Variants in ANKRD30A observed in about 807,000 individuals in gnomAD.
The protein encoded by ANKRD30A is ankyrin repeat domain 30A.
ANKRD30A carries 170 observed loss-of-function variants against 166.3 expected under a neutral mutation model. That is an observed-to-expected ratio of 1.02 (90% CI 0.90 to 1.16). The LOEUF is 1.16. Among genes scored for constraint, ANKRD30A ranks in the 50% most tolerant of loss-of-function variants. The pLI, the probability that ANKRD30A is intolerant of heterozygous loss-of-function variation, is 0.00. For missense variants in ANKRD30A, 1,630 were observed against 1,518.0 expected (o/e 1.07, Z -1.23); for synonymous variants, 564 against 508.9 (o/e 1.11, Z -1.46).
At chr10:37,156,491 T>TGG (rs1838394836) in intron 13 of ANKRD30A, among the ~76,000 whole-genome samples, 3 of 152,242 alleles carry the variant, frequency 2.0e-5, no homozygotes, top group Admixed American at 6.5e-5. Flanking sequence ...TACATAGGAT[T>TGG]CTTAAGTGCC....
In ANKRD30A at chr10:37,165,159, C is replaced by A. The variant is rs1839213833; in HGVS notation, c.2064+4C>A. On this transcript the variant is annotated splice_donor_region_variant and intron_variant, in intron 18 of 35. Transcript: ENST00000361713. ...AGAAAATTCTTGGGATACTGAGGTACTGTGTGTTGTTGATTTTTTTAAATA... is the reference window on the plus strand; with the variant it reads ...AGAAAATTCTTGGGATACTGAGGTAATGTGTGTTGTTGATTTTTTTAAATA... 1 of 1,604,334 alleles carries A rather than the reference C, an allele frequency of 6.2e-7. No homozygotes were observed. The highest frequency in any genetic ancestry group is 8.5e-7 in the Non-Finnish European group (1 of 1,171,882).
chr10:37,202,600 A>T (rs1841714266), intron 31 of ANKRD30A, among the ~76,000 whole-genome samples: 1 of 152,234 alleles, frequency 6.6e-6, no homozygotes, highest in African/African-American at 2.4e-5. Context: ...GAGCAAACAC[A>T]TTCAAAAGCT....
At chr10:37,137,733 G>A (rs1836812958) in intron 6 of ANKRD30A, among the ~76,000 whole-genome samples, 3 of 152,184 alleles carry the variant, frequency 2.0e-5, no homozygotes, top group Admixed American at 6.5e-5. Context: ...TGGGAAGCTC[G>A]AACTGGGTGG....
chr10:37,130,060 G>T, intron 2 of ANKRD30A, 53 bp downstream of exon 2: 1 of 1,274,502 alleles, frequency 7.8e-7, no homozygotes, highest in Non-Finnish European at 1.0e-6. Context: ...TAAATACATA[G>T]AATAAAAATG....
chr10:37,258,847 C>T, the ANKRD30A span, among the ~76,000 whole-genome samples: 982 of 150,372 alleles, frequency 6.5e-3, 11 homozygotes, highest in African/African-American at 0.023. Context: ...CCTGTAGTCC[C>T]AGCTACTCGG....
the ANKRD30A span, among the ~76,000 whole-genome samples, chr10:37,262,924 C>CTG: frequency 7.8e-4 from 119 of 151,814 alleles, no homozygotes; most frequent in African/African-American, 1.3e-3. Flanking sequence ...TGTTCTATGT[C>CTG]TGTGTGTGTG....
At chr10:37,157,440 A>G (rs1838468956) in intron 13 of ANKRD30A, among the ~76,000 whole-genome samples, 1 of 152,214 alleles carries the variant, frequency 6.6e-6, no homozygotes, top group Admixed American at 6.5e-5. Flanking sequence ...ATCTTGGCTC[A>G]TTGCAACATC....
chr10:37,263,863 T>A, the ANKRD30A span, among the ~76,000 whole-genome samples: 1 of 152,130 alleles, frequency 6.6e-6, no homozygotes, highest in African/African-American at 2.4e-5. Flanking sequence ...TTAATTAGCC[T>A]GGGATGTTAG....
chr10:37,178,060 CAG>C (rs371563203), intron 24 of ANKRD30A, among the ~76,000 whole-genome samples: 36 of 151,266 alleles, frequency 2.4e-4, no homozygotes, highest in Middle Eastern at 3.4e-3. Flanking sequence ...ACAGAGCGTA[CAG>C]AGAGTACATG....
intron 25 of ANKRD30A, among the ~76,000 whole-genome samples, chr10:37,190,394 G>C (rs71489114): frequency 6.6e-6 from 1 of 151,736 alleles, no homozygotes; most frequent in East Asian, 1.9e-4. Flanking sequence ...TCAGGAGAAA[G>C]CATCATGGTG....
At chr10:37,136,544 T>C (rs989112557) in intron 5 of ANKRD30A, 63 bp from the exon 6 acceptor site, 2 of 737,478 alleles carry the variant, frequency 2.7e-6, no homozygotes, top group African/African-American at 3.7e-5. Flanking sequence ...ATAAATTTGG[T>C]AAATGTTTTT....
downstream of ANKRD30A, among the ~76,000 whole-genome samples, chr10:37,234,796 A>T (rs1411016196): frequency 1.3e-5 from 2 of 152,224 alleles, no homozygotes; most frequent in African/African-American, 4.8e-5. Flanking sequence ...AAATGTAGTT[A>T]TATAGATATG....
intron 7 of ANKRD30A, among the ~76,000 whole-genome samples, chr10:37,144,331 T>G (rs1211710): frequency 0.75 from 114,753 of 152,094 alleles, 44,516 homozygotes; most frequent in African/African-American, 0.94. Context: ...CTATAAATTT[T>G]TAATGTTTCT....
chr10:37,158,623 G>A (rs749150218), intron 15 of ANKRD30A, 37 bp downstream of exon 15: 1 of 1,604,100 alleles, frequency 6.2e-7, no homozygotes, highest in Non-Finnish European at 8.5e-7. Flanking sequence ...CTGGAAAGGA[G>A]AATATTAAAA....
At chr10:37,155,630 C>T (rs1330679834) in intron 13 of ANKRD30A, among the ~76,000 whole-genome samples, 2 of 152,116 alleles carry the variant, frequency 1.3e-5, no homozygotes, top group African/African-American at 2.4e-5. Context: ...ATGATTTGCT[C>T]CTGTGATTCC....
chr10:37,143,601 C>T (rs1837302568), intron 7 of ANKRD30A, among the ~76,000 whole-genome samples: 1 of 151,908 alleles, frequency 6.6e-6, no homozygotes, highest in Admixed American at 6.6e-5. Flanking sequence ...TTGCAGTGAG[C>T]TGAGATCGTA....
At chr10:37,131,533 T>C (rs1223341622) in intron 3 of ANKRD30A, among the ~76,000 whole-genome samples, 1 of 152,160 alleles carries the variant, frequency 6.6e-6, no homozygotes, top group Non-Finnish European at 1.5e-5. Context: ...GTTGCTTCCT[T>C]AGTGACCCAT....
chr10:37,166,126 T>C (rs1250162922), intron 18 of ANKRD30A, among the ~76,000 whole-genome samples: 8 of 152,160 alleles, frequency 5.3e-5, no homozygotes, highest in Admixed American at 5.2e-4. Flanking sequence ...ATACATTCTA[T>C]GACAGACTCT....
chr10:37,209,203 A>G (rs768837472), intron 31 of ANKRD30A, among the ~76,000 whole-genome samples: 10 of 152,176 alleles, frequency 6.6e-5, no homozygotes, highest in Non-Finnish European at 1.0e-4. Flanking sequence ...GCATTATACA[A>G]TGAGTTAAAA....
Sources: allele counts gnomAD v4.1 joint callset (sites outside exome capture counted in the v4.1 genomes callset), GRCh38; gene constraint gnomAD v4.1.1; transcripts MANE v1.5; gene names NCBI Gene and HGNC (gene_info 2026-07-23, HGNC 2026-07-21).